DPP6: variants seen among roughly 807,000 people sequenced by gnomAD.
The protein encoded by DPP6 is A-type potassium channel modulatory protein DPP6.
Under a neutral mutation model 122.6 loss-of-function variants are expected in DPP6, and 69 were observed. The ratio of observed to expected loss-of-function variants is 0.56; its 90% CI spans 0.46 to 0.69. The LOEUF (loss-of-function observed/expected upper bound fraction) is 0.69, where lower values mean the gene tolerates loss of function less well. Ranked by LOEUF, DPP6 falls within the 30% of genes least tolerant of loss-of-function variation. The pLI is 0.00. For synonymous variants in DPP6, 418 were observed against 433.1 expected (o/e 0.97, Z 0.43); for missense variants, 928 against 1,116.9 (o/e 0.83, Z 2.41).
chr7:154,321,784 CAA>C (rs1180440495), intron 1 of DPP6, among the ~76,000 whole-genome samples: 15,192 of 62,440 alleles, frequency 0.24, 1,202 homozygotes, highest in African/African-American at 0.41. Flanking sequence ...GACTCTGTCT[CAA>C]AAAAAAAAAA....
Position 154,815,544 on chromosome 7 carries a change from G to A in DPP6, c.1666+8432G>A, listed in dbSNP as rs577213311. 3.9e-5 allele frequency among the ~76,000 whole-genome samples: 6 copies of A among 152,278 alleles called. No homozygotes were observed. The East Asian group carries it at 7.7e-4, about 20-fold the overall frequency. On this transcript the variant is annotated intron_variant, in intron 16 of 25. Transcript: ENST00000377770. ...TATTTTCCTTCAAGTTTTTGAAAAC[G>A]ACTCAATCAATCCTGTTTCTAAGAA...
At chr7:154,690,279 G>A (rs1217396757) in intron 7 of DPP6, among the ~76,000 whole-genome samples, 1 of 152,142 alleles carries the variant, frequency 6.6e-6, no homozygotes, top group African/African-American at 2.4e-5. Flanking sequence ...TTTACAGAAG[G>A]AATTGTTAGT....
At chr7:154,777,023 T>C (rs1387405583) in intron 10 of DPP6, among the ~76,000 whole-genome samples, 1 of 152,230 alleles carries the variant, frequency 6.6e-6, no homozygotes, top group Non-Finnish European at 1.5e-5. Flanking sequence ...TCCTGTTTGT[T>C]TGCTTGTTAA....
chr7:154,362,728 A>G (rs1207246793), intron 1 of DPP6, among the ~76,000 whole-genome samples: 1 of 151,994 alleles, frequency 6.6e-6, no homozygotes, highest in Admixed American at 6.6e-5. Flanking sequence ...CCTGGCCGCA[A>G]TAGAGTTTTA....
rs537909667 is a variant in DPP6, at chr7:154,102,965, T to C, written c.243+49902T>C. Among the ~76,000 whole-genome samples, 6 of 152,226 alleles carry C rather than the reference T, an allele frequency of 3.9e-5. No individual in the cohort carries two copies. The South Asian group carries it at 1.2e-3, about 32-fold the overall frequency. ...GTGAACAGGGTGTCCTCTGAGGGCC[T>C]GGGGTAATACCCCCATTCTGAATCA... is the stretch of plus-strand genomic sequence containing the variant. On this transcript the variant is annotated intron_variant, in intron 1 of 25. Coordinates refer to ENST00000377770, the MANE Select transcript of DPP6 (RefSeq NM_130797.4).
chr7:154,420,488 G>A (rs561500952), intron 1 of DPP6, among the ~76,000 whole-genome samples: 2 of 152,262 alleles, frequency 1.3e-5, no homozygotes, highest in Admixed American at 6.5e-5. Flanking sequence ...TAGAATTGTG[G>A]TTGCCAGGCA....
chr7:154,242,579 C>A (rs1211793099), intron 1 of DPP6, among the ~76,000 whole-genome samples: 1 of 152,184 alleles, frequency 6.6e-6, no homozygotes. Context: ...CAGCACAGAA[C>A]TGTAATTCTT....
At chr7:154,693,300 G>A (rs1460087039) in intron 7 of DPP6, among the ~76,000 whole-genome samples, 1 of 152,106 alleles carries the variant, frequency 6.6e-6, no homozygotes, top group Non-Finnish European at 1.5e-5. Context: ...CTTACTATGA[G>A]GCTTCCGTTA....
chr7:154,573,771 G>C, intron 5 of DPP6, among the ~76,000 whole-genome samples: 1 of 152,338 alleles, frequency 6.6e-6, no homozygotes. Context: ...TCATAATACT[G>C]TGAAAATCAA....
intron 10 of DPP6, among the ~76,000 whole-genome samples, chr7:154,790,913 T>C (rs1198996980): frequency 6.6e-6 from 1 of 151,830 alleles, no homozygotes; most frequent in East Asian, 1.9e-4. Context: ...TAACTGGTCA[T>C]TTTACTTGGG....
At chr7:154,308,726 T>G (rs1806588229) in intron 1 of DPP6, among the ~76,000 whole-genome samples, 1 of 151,518 alleles carries the variant, frequency 6.6e-6, no homozygotes, top group East Asian at 1.9e-4. Context: ...AATTAAGGGA[T>G]TTTTTTTCCC....
intron 1 of DPP6, among the ~76,000 whole-genome samples, chr7:153,932,967 G>T (rs2011555): frequency 1.3e-5 from 2 of 151,872 alleles, no homozygotes; most frequent in Non-Finnish European, 1.5e-5. Context: ...AATAAGTCTC[G>T]CAAGATCTGA....
At chr7:154,635,024 C>T (rs548137886) in intron 5 of DPP6, among the ~76,000 whole-genome samples, 4 of 152,208 alleles carry the variant, frequency 2.6e-5, no homozygotes, top group African/African-American at 2.4e-5. Flanking sequence ...CTGACAACAG[C>T]GAACACGGAC....
At chr7:154,534,041 T>C (rs577250935) in intron 3 of DPP6, among the ~76,000 whole-genome samples, 30 of 152,008 alleles carry the variant, frequency 2.0e-4, no homozygotes, top group Non-Finnish European at 3.7e-4. Context: ...TAATATATCA[T>C]GACCAATGGG....
chr7:153,819,892 C>A, the DPP6 span, among the ~76,000 whole-genome samples: 1 of 152,062 alleles, frequency 6.6e-6, no homozygotes, highest in African/African-American at 2.4e-5. Context: ...TTTTTGGCCT[C>A]TTTTTCTTCT....
chr7:154,058,866 G>T (rs1240787977), intron 1 of DPP6: 1 of 129,312 alleles, frequency 7.7e-6, no homozygotes, highest in East Asian at 2.9e-4. Flanking sequence ...CCCATCGCAG[G>T]TGGGGAGGCA....
At chr7:154,880,027 T>G (rs1409841034) in intron 20 of DPP6, among the ~76,000 whole-genome samples, 1 of 152,238 alleles carries the variant, frequency 6.6e-6, no homozygotes, top group East Asian at 1.9e-4. Context: ...AGAAATTATA[T>G]TTTCTCCTCT....
intron 1 of DPP6, among the ~76,000 whole-genome samples, chr7:154,150,803 C>A (rs1796373186): frequency 1.3e-5 from 2 of 152,204 alleles, no homozygotes; most frequent in African/African-American, 4.8e-5. Context: ...AGCAAAGTAT[C>A]AGGAGCCTGG....
intron 1 of DPP6, among the ~76,000 whole-genome samples, chr7:154,140,540 C>T (rs1175424453): frequency 1.3e-5 from 2 of 152,090 alleles, no homozygotes; most frequent in Non-Finnish European, 2.9e-5. Flanking sequence ...AGGTTGGTCT[C>T]GGACTCCTGG....
Sources: gnomAD v4.1 joint callset for allele counts (sites outside exome capture counted in the v4.1 genomes callset) on GRCh38, gnomAD v4.1.1 for gene constraint, MANE v1.5 for transcripts, NCBI Gene and HGNC (gene_info 2026-07-23, HGNC 2026-07-21) for gene names.